GRK5: variants seen among roughly 807,000 people sequenced by gnomAD.
GRK5 encodes the protein G protein-coupled receptor kinase 5.
In GRK5, 40 loss-of-function variants were observed where a neutral mutation model predicts 78.4. That is an observed-to-expected ratio of 0.51 (90% confidence interval 0.40 to 0.66). GRK5 has a LOEUF of 0.66. Ranked by LOEUF, GRK5 falls within the 30% of genes least tolerant of loss-of-function variation. The pLI, the probability that GRK5 is intolerant of heterozygous loss-of-function variation, is 0.00. For synonymous variants in GRK5, 289 were observed against 296.8 expected, an observed-to-expected ratio of 0.97 and a Z score of 0.27; for missense variants, 598 against 759.9, an observed-to-expected ratio of 0.79 and a Z score of 2.50.
chr10:119,420,774 T>C (rs1475288877), intron 4 of GRK5, among the ~76,000 whole-genome samples: 1 of 152,190 alleles, frequency 6.6e-6, no homozygotes, highest in Non-Finnish European at 1.5e-5. Flanking sequence ...AGAGATAGGC[T>C]GTCACTATGT....
At chr10:119,292,112 CTTCCTCCCT>C (rs1849984806) in intron 1 of GRK5, among the ~76,000 whole-genome samples, 2 of 57,068 alleles carry the variant, frequency 3.5e-5, no homozygotes, top group Non-Finnish European at 3.8e-5. Flanking sequence ...TCCTTCTCCT[CTTCCTCCCT>C]CTCCTCATCT....
intron 1 of GRK5, among the ~76,000 whole-genome samples, chr10:119,317,764 C>T (rs1203661136): frequency 6.6e-6 from 1 of 152,112 alleles, no homozygotes; most frequent in Non-Finnish European, 1.5e-5. Context: ...GTGTGTGTCT[C>T]TTCAGGTCCT....
At chr10:119,386,789 G>A (rs552561211) in intron 3 of GRK5, among the ~76,000 whole-genome samples, 11 of 152,162 alleles carry the variant, frequency 7.2e-5, no homozygotes, top group South Asian at 2.1e-4. Context: ...TCTAAAATCC[G>A]TTTTTTCTTC....
chr10:119,402,246 G>A (rs1852163428), intron 4 of GRK5, among the ~76,000 whole-genome samples: 1 of 152,168 alleles, frequency 6.6e-6, no homozygotes, highest in African/African-American at 2.4e-5. Context: ...TCACGTGGCA[G>A]GCTCATCTCT....
chr10:119,246,363 C>T (rs1001483919), intron 1 of GRK5, among the ~76,000 whole-genome samples: 18 of 152,042 alleles, frequency 1.2e-4, no homozygotes, highest in East Asian at 3.9e-4. Flanking sequence ...TCAGTACAGA[C>T]GGCTTTTTTT....
intron 1 of GRK5, among the ~76,000 whole-genome samples, chr10:119,221,542 A>G (rs1848656648): frequency 6.6e-6 from 1 of 152,188 alleles, no homozygotes; most frequent in Non-Finnish European, 1.5e-5. Context: ...TGTGTTTTTC[A>G]TTGTCTTTGA....
intron 1 of GRK5, among the ~76,000 whole-genome samples, chr10:119,291,516 CTCCTCCTCTTCCTCCTCCTCCTCT>C (rs1849954648): frequency 7.6e-6 from 1 of 130,798 alleles, no homozygotes; most frequent in South Asian, 2.4e-4. Context: ...CTGCCTCCTC[CTCCTCCTCTTCCTCCTCCTCCTCT>C]TCCTCCTCCT....
At chr10:119,231,070 T>G (rs1392395228) in intron 1 of GRK5, among the ~76,000 whole-genome samples, 1 of 151,966 alleles carries the variant, frequency 6.6e-6, no homozygotes, top group African/African-American at 2.4e-5. Context: ...GACATGGCGG[T>G]GAGTGGAAGG....
intron 1 of GRK5, 118 bp downstream of exon 1, chr10:119,208,087 C>A: frequency 1.1e-6 from 1 of 920,352 alleles, no homozygotes; most frequent in South Asian, 1.7e-5. Flanking sequence ...GCGAGTGGGT[C>A]GCGAGCAGGA....
rs546356174 is a variant in GRK5 at position 119,264,748 on chromosome 10, C to T, written c.52+56779C>T. ...TAAGTGGGGTAGGACTATTCTTCAG[C>T]AGTGGGAGGGACCCTGGGTGGACTA... On this transcript the variant is annotated intron_variant, in intron 1 of 15. Coordinates refer to ENST00000392870, the MANE Select transcript of GRK5 (RefSeq NM_005308.3). This position sits in a 1 kb window ranked among gnomAD's most constrained non-coding sequence, Gnocchi z 4.1. Among the ~76,000 whole-genome samples the T allele has an allele frequency of 6.6e-6, 1 of 152,324 alleles. No individual in the cohort carries two copies. The highest frequency in any genetic ancestry group is 1.9e-4 in the East Asian group (1 of 5,180).
At chr10:119,218,676 C>A (rs1021851613) in intron 1 of GRK5, among the ~76,000 whole-genome samples, 4 of 152,140 alleles carry the variant, frequency 2.6e-5, no homozygotes, top group Non-Finnish European at 4.4e-5. Flanking sequence ...ATTGGACCAT[C>A]GACTTGAATA....
chr10:119,415,923 G>A (rs1852440759), intron 4 of GRK5, among the ~76,000 whole-genome samples: 1 of 152,166 alleles, frequency 6.6e-6, no homozygotes, highest in African/African-American at 2.4e-5. Flanking sequence ...TTCCTGGAGG[G>A]TCCTCTGATC....
intron 3 of GRK5, among the ~76,000 whole-genome samples, chr10:119,394,637 GT>G: frequency 3.6e-4 from 1 of 2,770 alleles, no homozygotes; most frequent in African/African-American, 1.3e-3. Context: ...GGGTGTGTGT[GT>G]GGGTGTGTGT....
At chr10:119,392,663 C>G (rs963142651) in intron 3 of GRK5, among the ~76,000 whole-genome samples, 1 of 152,182 alleles carries the variant, frequency 6.6e-6, no homozygotes, top group African/African-American at 2.4e-5. Context: ...CTCGGCCTCC[C>G]AAAGTGCTGG....
intron 2 of GRK5, among the ~76,000 whole-genome samples, chr10:119,360,415 T>G (rs190061903): frequency 8.9e-4 from 135 of 152,060 alleles, no homozygotes; most frequent in African/African-American, 3.0e-3. Context: ...CCACAGCCCT[T>G]GTGAGTGGGA....
At chr10:119,342,659 CTTAAGT>C (rs1851003776) in intron 2 of GRK5, among the ~76,000 whole-genome samples, 1 of 152,150 alleles carries the variant, frequency 6.6e-6, no homozygotes. Context: ...GTCCCGCCAG[CTTAAGT>C]TTATCTGTTC....
intron 12 of GRK5, among the ~76,000 whole-genome samples, chr10:119,447,248 G>A (rs557125009): frequency 2.6e-4 from 40 of 152,190 alleles, no homozygotes; most frequent in African/African-American, 9.2e-4. Flanking sequence ...TTCCTGCCTC[G>A]TGGTTCTGAT....
At chr10:119,208,794 T>A (rs1050789427) in intron 1 of GRK5, 4 of 151,878 alleles carry the variant, frequency 2.6e-5, no homozygotes, top group African/African-American at 9.7e-5. Context: ...TTCCTTTTGA[T>A]GAAAAACAGA....
chr10:119,366,083 G>C (rs1009728342), intron 2 of GRK5, among the ~76,000 whole-genome samples: 5 of 152,218 alleles, frequency 3.3e-5, no homozygotes, highest in African/African-American at 1.2e-4. Context: ...CTTCTGTCCT[G>C]TTGGCTTAAG....
Sources: allele counts gnomAD v4.1 joint callset (sites outside exome capture counted in the v4.1 genomes callset), GRCh38; gene constraint gnomAD v4.1.1; non-coding constraint Gnocchi (gnomAD v3.1); transcripts MANE v1.5; gene names NCBI Gene and HGNC (gene_info 2026-07-23, HGNC 2026-07-21).